ELAPOR2: variants seen among roughly 807,000 people sequenced by gnomAD.
ELAPOR2 encodes the protein endosome-lysosome associated apoptosis and autophagy regulator family member 2, also known as endosome/lysosome-associated apoptosis and autophagy regulator family member 2.
In ELAPOR2, 89 loss-of-function variants were observed where a neutral mutation model predicts 120.7. The ratio of observed to expected loss-of-function variants is 0.74; its 90% CI spans 0.62 to 0.88. The LOEUF (loss-of-function observed/expected upper bound fraction) is 0.88. Among genes scored for constraint, ELAPOR2 ranks in the 40% least tolerant of loss-of-function variants. The pLI is 0.00. For missense variants in ELAPOR2, 1,134 were observed against 1,251.6 expected (o/e 0.91, Z 1.42); for synonymous variants, 444 against 444.9 (o/e 1.00, Z 0.03).
In ELAPOR2 at chr7:86,877,115, G is replaced by A. The variant is rs560932762; in HGVS notation, c.*3356C>T. The A allele has an allele frequency of 9.9e-4, 150 of 152,050 alleles. No individual in the cohort carries two copies. The highest frequency in any genetic ancestry group is 2.3e-3 in the African/African-American group (96 of 41,506). 9.4% of individuals were successfully genotyped at this position (152,050 alleles called of 1,614,324 possible). A position where few individuals can be genotyped will look rare whatever the true frequency, so the allele number is the denominator to read the frequency against. ...TCTAGACAAGTGTAATCATAATAGC[G>A]AATAATATCAATTATAATAGTAAAT... On this transcript the variant is annotated 3_prime_UTR_variant, in exon 22 of 22. Transcript: ENST00000450689.
intron 12 of ELAPOR2, 149 bp from the exon 13 acceptor site, chr7:86,915,009 T>C (rs1389893193): frequency 3.1e-6 from 2 of 639,638 alleles, no homozygotes; most frequent in African/African-American, 3.8e-5. Flanking sequence ...CCAGAACTCT[T>C]AAAACTTGCC....
At chr7:86,932,322 G>T (rs1260259731) in intron 8 of ELAPOR2, among the ~76,000 whole-genome samples, 1 of 151,894 alleles carries the variant, frequency 6.6e-6, no homozygotes, top group Non-Finnish European at 1.5e-5. Context: ...TGAGTCAACA[G>T]GCTCCTGCCT....
At chr7:86,906,236 A>G (rs1479859961) in intron 18 of ELAPOR2, among the ~76,000 whole-genome samples, 1 of 152,096 alleles carries the variant, frequency 6.6e-6, no homozygotes, top group Non-Finnish European at 1.5e-5. Flanking sequence ...TTATTGCTAG[A>G]ATCTCTGACC....
At chr7:86,966,231 T>A (rs556128052) in intron 1 of ELAPOR2, among the ~76,000 whole-genome samples, 75 of 152,276 alleles carry the variant, frequency 4.9e-4, no homozygotes, top group South Asian at 3.5e-3. Context: ...GGACCACAAT[T>A]CTGCTAAGCT....
intron 1 of ELAPOR2, among the ~76,000 whole-genome samples, chr7:87,000,017 G>T (rs973721094): frequency 6.6e-6 from 1 of 152,102 alleles, no homozygotes; most frequent in African/African-American, 2.4e-5. Context: ...CAAAGAGCCA[G>T]ATTAACCTCA....
chr7:86,980,180 A>G (rs1483764601), intron 1 of ELAPOR2, among the ~76,000 whole-genome samples: 2 of 152,262 alleles, frequency 1.3e-5, no homozygotes, highest in Non-Finnish European at 2.9e-5. Context: ...AAAAAAGGTA[A>G]TAAAACTCTG....
chr7:86,989,703 A>G (rs1333626039), intron 1 of ELAPOR2, among the ~76,000 whole-genome samples: 1 of 152,172 alleles, frequency 6.6e-6, no homozygotes, highest in Non-Finnish European at 1.5e-5. Flanking sequence ...TTCAAGTGGA[A>G]TCCCTTTATT....
chr7:87,039,989 T>C (rs1348868083), intron 1 of ELAPOR2, among the ~76,000 whole-genome samples: 1 of 152,020 alleles, frequency 6.6e-6, no homozygotes, highest in Non-Finnish European at 1.5e-5. Flanking sequence ...TTCCCTTTCC[T>C]AGTCAAAGAA....
chr7:87,045,461 A>T (rs1052337748), intron 1 of ELAPOR2, among the ~76,000 whole-genome samples: 112 of 151,536 alleles, frequency 7.4e-4, no homozygotes, highest in East Asian at 1.3e-3. Flanking sequence ...CTTTGTAGGG[A>T]CATGGATGAA....
At chr7:86,883,438 T>G (rs1283546514) in intron 21 of ELAPOR2, among the ~76,000 whole-genome samples, 1 of 152,140 alleles carries the variant, frequency 6.6e-6, no homozygotes, top group Non-Finnish European at 1.5e-5. Flanking sequence ...CACAATAAGA[T>G]ATGTGCAACG....
At chr7:86,939,366 C>A (rs1296745326) in intron 6 of ELAPOR2, among the ~76,000 whole-genome samples, 16 of 152,048 alleles carry the variant, frequency 1.1e-4, no homozygotes, top group Non-Finnish European at 1.6e-4. Context: ...GACTTCTCCT[C>A]TGGTTTGTAA....
Position 86,912,021 on chromosome 7 carries a change from T to C in ELAPOR2, c.2169+51A>G, listed in dbSNP as rs151176171. On this transcript the variant is annotated intron_variant, in intron 15 of 21. Transcript: ENST00000450689. Reference sequence around the variant, plus strand: ...GTCCATTAACACAGAAAATATCAACTTGATCGGAGCTGAAATATAGGTCCA... The same window carrying C: ...GTCCATTAACACAGAAAATATCAACCTGATCGGAGCTGAAATATAGGTCCA... 1.1e-4 allele frequency: 172 copies of C among 1,529,944 alleles called. 1 individual carries two copies. In the African/African-American group the frequency reaches 2.0e-3, roughly 18 times the overall value. The allele number at this position is 1,529,944 out of a possible 1,614,324, so 94.8% of individuals were successfully genotyped here.
chr7:86,990,010 G>T (rs1235836594), intron 1 of ELAPOR2, among the ~76,000 whole-genome samples: 2 of 151,646 alleles, frequency 1.3e-5, no homozygotes, highest in East Asian at 3.9e-4. Flanking sequence ...GCCTTTAAGA[G>T]GTGATTGGAT....
intron 15 of ELAPOR2, chr7:86,911,687 C>T (rs1483868480): frequency 2.2e-6 from 1 of 460,216 alleles, no homozygotes; most frequent in Non-Finnish European, 4.4e-6. Flanking sequence ...TCTTGAAAGT[C>T]TTTTTCTTCT....
rs770025568 is a variant in ELAPOR2 at position 86,913,220 on chromosome 7, T to C, written c.1732-16A>G. 4 of 1,610,390 alleles carry C rather than the reference T, an allele frequency of 2.5e-6. No homozygotes were observed. The South Asian group carries it at 4.4e-5, about 18-fold the overall frequency. On this transcript the variant is annotated splice_polypyrimidine_tract_variant and intron_variant, in intron 13 of 21. Transcript: ENST00000450689. ...ACCGTCTATTCTAAAAAAAAGAGCA[T>C]AAAGTAATGACTTCTGCCTTGGGGC...
chr7:86,994,700 G>T (rs1488769948), intron 1 of ELAPOR2, among the ~76,000 whole-genome samples: 1 of 152,110 alleles, frequency 6.6e-6, no homozygotes, highest in African/African-American at 2.4e-5. Context: ...ATTGATTGGA[G>T]GAGTGGTGGT....
At chr7:87,053,196 AC>A (rs1427865794) in intron 1 of ELAPOR2, among the ~76,000 whole-genome samples, 5 of 152,222 alleles carry the variant, frequency 3.3e-5, no homozygotes, top group African/African-American at 1.2e-4. Flanking sequence ...CCTGTTTATA[AC>A]TGAAAAAGCA....
Position 86,893,084 on chromosome 7 carries a change from C to T in ELAPOR2, c.2702G>A (p.Trp901Ter). 1.3e-6 allele frequency: 2 copies of T among 1,548,098 alleles called. No homozygotes were observed. The highest frequency in any genetic ancestry group is 1.3e-5 in the South Asian group (1 of 78,544). ...TTTAATGCACCATTTAGGTTCATTC[C>T]ACACATACAAGGTTTCCTTTAAAAA... is the stretch of plus-strand genomic sequence containing the variant. ...KRGFQETLYV[W>*]NEPKWCIKGI... Residue 901 changes from tryptophan (W) to a stop codon, truncating the protein, a stop_gained, in exon 20 of 22, where the codon TGG (tryptophan) becomes TAG (stop). Coordinates refer to ENST00000450689, the MANE Select transcript of ELAPOR2 (RefSeq NM_001142749.3). LOFTEE classifies it high-confidence loss of function.
chr7:86,953,727 C>T (rs1287714304), intron 2 of ELAPOR2, among the ~76,000 whole-genome samples: 1 of 152,150 alleles, frequency 6.6e-6, no homozygotes, highest in African/African-American at 2.4e-5. Context: ...TCTTCTTCAA[C>T]AACCTTGAAA....
Sources: gnomAD v4.1 joint callset for allele counts (sites outside exome capture counted in the v4.1 genomes callset) on GRCh38, gnomAD v4.1.1 for gene constraint, MANE v1.5 for transcripts, NCBI Gene and HGNC (gene_info 2026-07-23, HGNC 2026-07-21) for gene names.